Variants in PDSS2 observed in about 807,000 individuals in gnomAD.
PDSS2 encodes the protein all trans-polyprenyl-diphosphate synthase PDSS2.
PDSS2 carries 31 observed loss-of-function variants against 44.5 expected under a neutral mutation model. That is an observed-to-expected ratio of 0.70 (90% CI 0.52 to 0.94). PDSS2 has a LOEUF of 0.94. Ranked by LOEUF, PDSS2 falls within the 40% of genes least tolerant of loss-of-function variation. The pLI is 0.00. For synonymous variants in PDSS2, 157 were observed against 180.3 expected, an observed-to-expected ratio of 0.87 and a Z score of 1.03; for missense variants, 452 against 482.2, an observed-to-expected ratio of 0.94 and a Z score of 0.59.
At chr6:107,311,229 T>C (rs1463199055) in intron 2 of PDSS2, among the ~76,000 whole-genome samples, 2 of 147,052 alleles carry the variant, frequency 1.4e-5, no homozygotes, top group African/African-American at 2.5e-5. Context: ...AGGGTCTTGC[T>C]CTGTCACTCA....
At chr6:107,271,995 T>C (rs1180004837) in intron 3 of PDSS2, among the ~76,000 whole-genome samples, 1 of 151,126 alleles carries the variant, frequency 6.6e-6, no homozygotes, top group Non-Finnish European at 1.5e-5. Flanking sequence ...ACCAGGGAGG[T>C]TGAGGCTGCA....
chr6:107,299,213 C>G (rs1776617319), intron 2 of PDSS2, among the ~76,000 whole-genome samples: 2 of 148,846 alleles, frequency 1.3e-5, no homozygotes, highest in South Asian at 4.3e-4. Context: ...AAAAAAAACC[C>G]TCTCAGAACA....
intron 3 of PDSS2, among the ~76,000 whole-genome samples, chr6:107,269,000 T>C (rs940015962): frequency 5.3e-5 from 8 of 151,326 alleles, no homozygotes; most frequent in African/African-American, 1.9e-4. Context: ...AGTGCAGTGG[T>C]GCGATCTCGG....
At chr6:107,188,566 A>G (rs1032615535) in intron 7 of PDSS2, among the ~76,000 whole-genome samples, 2 of 152,022 alleles carry the variant, frequency 1.3e-5, no homozygotes, top group African/African-American at 4.8e-5. Context: ...TAAGTGAACA[A>G]TTTGGTTTGG....
In PDSS2 at chr6:107,303,170, A is replaced by C. The variant is rs143503925; in HGVS notation, c.432-28943T>G. 7.0e-4 allele frequency among the ~76,000 whole-genome samples: 106 copies of C among 152,298 alleles called. 1 individual carries two copies. Among genetic ancestry groups the C allele is most frequent in the African/African-American group, 2.5e-3 (102 of 41,566 alleles). ...AGAAGAGCAAGGGAGTGAGTACTAA[A>C]GAGGGAAAGCACAATGGGCTTGGCT... On this transcript the variant is annotated intron_variant, in intron 2 of 7. Transcript: ENST00000369037.
intron 1 of PDSS2, among the ~76,000 whole-genome samples, chr6:107,429,901 A>AAAAAATATATATAT (rs1166637352): frequency 2.5e-4 from 8 of 31,832 alleles, no homozygotes; most frequent in Admixed American, 5.8e-4. Flanking sequence ...AAAAAAAAAA[A>AAAAAATATATATAT]ATATATATAT....
chr6:107,371,367 T>C (rs1407509202), intron 1 of PDSS2, among the ~76,000 whole-genome samples: 1 of 152,090 alleles, frequency 6.6e-6, no homozygotes, highest in Non-Finnish European at 1.5e-5. Context: ...GAAAAGGAAA[T>C]TGAATATTTT....
intron 1 of PDSS2, among the ~76,000 whole-genome samples, chr6:107,387,522 T>C (rs931605251): frequency 1.3e-5 from 2 of 152,210 alleles, no homozygotes; most frequent in African/African-American, 2.4e-5. Flanking sequence ...AAAAGCATTA[T>C]TTGCTGTGTA....
intron 4 of PDSS2, among the ~76,000 whole-genome samples, chr6:107,221,018 G>C (rs1476469367): frequency 6.6e-6 from 1 of 152,188 alleles, no homozygotes; most frequent in African/African-American, 2.4e-5. Flanking sequence ...TGAAATGAAT[G>C]CATGTTAGTC....
At chr6:107,182,836 AG>A (rs1434384792) in intron 7 of PDSS2, among the ~76,000 whole-genome samples, 3 of 152,204 alleles carry the variant, frequency 2.0e-5, no homozygotes, top group African/African-American at 7.2e-5. Context: ...AAAGAAAAAC[AG>A]GTGTCTGAAA....
At chr6:107,194,353 TC>T (rs1243137709) in intron 6 of PDSS2, among the ~76,000 whole-genome samples, 2 of 152,220 alleles carry the variant, frequency 1.3e-5, no homozygotes, top group African/African-American at 4.8e-5. Flanking sequence ...TATCATTTCT[TC>T]TTTTTTGCCT....
chr6:107,168,669 C>T (rs1771444398), intron 7 of PDSS2, among the ~76,000 whole-genome samples: 1 of 150,940 alleles, frequency 6.6e-6, no homozygotes, highest in Admixed American at 6.6e-5. Context: ...TAGGGCAGGC[C>T]TGGTGGTGAC....
At chr6:107,208,391 G>C (rs1300144301) in intron 6 of PDSS2, among the ~76,000 whole-genome samples, 1 of 142,730 alleles carries the variant, frequency 7.0e-6, no homozygotes, top group Non-Finnish European at 1.5e-5. Context: ...CTACCTCCCA[G>C]GTTCAAGTGA....
intron 1 of PDSS2, among the ~76,000 whole-genome samples, chr6:107,369,553 T>C (rs1015253101): frequency 1.3e-5 from 2 of 152,284 alleles, no homozygotes; most frequent in South Asian, 2.1e-4. Flanking sequence ...GAAAAAACCA[T>C]AGGAGCATAT....
intron 4 of PDSS2, among the ~76,000 whole-genome samples, chr6:107,216,975 C>T: frequency 6.6e-6 from 1 of 152,172 alleles, no homozygotes. Flanking sequence ...AGAAGTTGAA[C>T]TTTTCAGTAA....
At chr6:107,233,174 A>G (rs1000820245) in intron 4 of PDSS2, among the ~76,000 whole-genome samples, 9 of 152,178 alleles carry the variant, frequency 5.9e-5, no homozygotes, top group African/African-American at 2.2e-4. Flanking sequence ...CTTTAAAATT[A>G]CATCTTCCAA....
intron 4 of PDSS2, among the ~76,000 whole-genome samples, chr6:107,233,120 T>C (rs1438111123): frequency 2.0e-5 from 3 of 152,190 alleles, no homozygotes; most frequent in African/African-American, 7.2e-5. Flanking sequence ...CTGGGTCCAA[T>C]AGTTTCTATT....
chr6:107,179,601 G>A (rs1233289887), intron 7 of PDSS2, among the ~76,000 whole-genome samples: 1 of 152,038 alleles, frequency 6.6e-6, no homozygotes, highest in African/African-American at 2.4e-5. Flanking sequence ...GAATGTCAAG[G>A]ACTCGGGGGA....
chr6:107,347,020 G>A (rs1562478198), intron 1 of PDSS2, among the ~76,000 whole-genome samples: 1 of 152,056 alleles, frequency 6.6e-6, no homozygotes, highest in Admixed American at 6.5e-5. Flanking sequence ...CCATTCCCAC[G>A]GAGGCTGGGA....
Sources: gnomAD v4.1 joint callset for allele counts (sites outside exome capture counted in the v4.1 genomes callset) on GRCh38, gnomAD v4.1.1 for gene constraint, MANE v1.5 for transcripts, NCBI Gene and HGNC (gene_info 2026-07-23, HGNC 2026-07-21) for gene names.